The following ASIC2 variants were observed in gnomAD, a reference collection of about 807,000 sequenced individuals.
The protein encoded by ASIC2 is acid-sensing ion channel 2.
A neutral mutation model predicts 57.3 loss-of-function variants in ASIC2; 25 were observed. The observed-to-expected ratio is 0.44, with a 90% CI of 0.32 to 0.61. The LOEUF is 0.61. ASIC2 is among the 20% of genes least tolerant of loss of function. The pLI is 0.06. For missense variants in ASIC2, 641 were observed against 738.1 expected (o/e 0.87, Z 1.52); for synonymous variants, 319 against 307.5 (o/e 1.04, Z -0.39).
At chr17:33,368,869 C>G (rs751102401) in intron 1 of ASIC2, among the ~76,000 whole-genome samples, 30 of 152,156 alleles carry the variant, frequency 2.0e-4, no homozygotes, top group Non-Finnish European at 3.8e-4. Context: ...CACAGGGAGG[C>G]CCTGGAGAGG....
chr17:33,692,279 A>T (rs1386624175), intron 1 of ASIC2: 1 of 152,114 alleles, frequency 6.6e-6, no homozygotes, highest in African/African-American at 2.4e-5. Flanking sequence ...CAGGAACTAC[A>T]ATCACAGTAT....
intron 1 of ASIC2, among the ~76,000 whole-genome samples, chr17:33,589,116 TG>T (rs1282463040): frequency 1.3e-5 from 2 of 152,196 alleles, no homozygotes; most frequent in Non-Finnish European, 1.5e-5. Flanking sequence ...ATTATCAAAT[TG>T]TCACAGTGTG....
intron 1 of ASIC2, among the ~76,000 whole-genome samples, chr17:33,823,602 C>A (rs776876729): frequency 2.0e-5 from 3 of 152,148 alleles, no homozygotes; most frequent in Admixed American, 1.3e-4. Context: ...TTAGTATCGG[C>A]CACACTTCTT....
chr17:33,021,524 C>T (rs2091835517), intron 6 of ASIC2, among the ~76,000 whole-genome samples: 1 of 152,222 alleles, frequency 6.6e-6, no homozygotes, highest in African/African-American at 2.4e-5. Flanking sequence ...CAGTTGCCTC[C>T]TTTTGTTGCT....
intron 1 of ASIC2, among the ~76,000 whole-genome samples, chr17:33,724,589 T>C (rs1338829897): frequency 6.6e-6 from 1 of 152,006 alleles, no homozygotes; most frequent in Non-Finnish European, 1.5e-5. Flanking sequence ...CCAGGACAAT[T>C]GGGAATGAGG....
intron 1 of ASIC2, among the ~76,000 whole-genome samples, chr17:33,687,099 T>C (rs1908219356): frequency 6.6e-6 from 1 of 152,200 alleles, no homozygotes; most frequent in Non-Finnish European, 1.5e-5. Flanking sequence ...TTTTTTCATG[T>C]ACAGCAAGGA....
chr17:33,276,923 C>A (rs35265099), intron 1 of ASIC2, among the ~76,000 whole-genome samples: 1 of 152,080 alleles, frequency 6.6e-6, no homozygotes, highest in Non-Finnish European at 1.5e-5. Context: ...GGGACAGAGG[C>A]CCTTCTTTCT....
At chr17:33,469,467 T>A (rs1192954871) in intron 1 of ASIC2, among the ~76,000 whole-genome samples, 1 of 152,126 alleles carries the variant, frequency 6.6e-6, no homozygotes, top group Non-Finnish European at 1.5e-5. Flanking sequence ...ACCCTCTAGC[T>A]TCCAGTTACT....
At chr17:33,079,713 G>A (rs2092104773) in intron 3 of ASIC2, among the ~76,000 whole-genome samples, 1 of 152,134 alleles carries the variant, frequency 6.6e-6, no homozygotes, top group Non-Finnish European at 1.5e-5. Context: ...GTCTGGGGTG[G>A]GGGATAATAA....
At chr17:33,985,549 C>T (rs1905787749) in intron 1 of ASIC2, among the ~76,000 whole-genome samples, 1 of 152,118 alleles carries the variant, frequency 6.6e-6, no homozygotes, top group East Asian at 1.9e-4. Context: ...GAAAAGATTC[C>T]AGAGGCAAAA....
chr17:33,195,965 A>G (rs1185106477), intron 1 of ASIC2, among the ~76,000 whole-genome samples: 2 of 152,172 alleles, frequency 1.3e-5, no homozygotes, highest in Non-Finnish European at 2.9e-5. Flanking sequence ...CCAACCTAAT[A>G]AAAATGTGGC....
intron 1 of ASIC2, among the ~76,000 whole-genome samples, chr17:33,822,236 G>A (rs575923549): frequency 1.3e-5 from 2 of 152,192 alleles, no homozygotes; most frequent in African/African-American, 4.8e-5. Flanking sequence ...TTATGGGCTA[G>A]GCTGCCTCTC....
intron 1 of ASIC2, among the ~76,000 whole-genome samples, chr17:33,329,668 T>C (rs2142224126): frequency 6.6e-6 from 1 of 152,320 alleles, no homozygotes; most frequent in East Asian, 1.9e-4. Flanking sequence ...TTGGATCAAG[T>C]TCAAGCCTTG....
intron 1 of ASIC2, among the ~76,000 whole-genome samples, chr17:34,015,068 CTTT>C (rs776970617): frequency 7.7e-6 from 1 of 129,638 alleles, no homozygotes; most frequent in Non-Finnish European, 1.6e-5. Context: ...TTTCTTCTGC[CTTT>C]TTTTTTTTTT....
chr17:33,414,301 A>C (rs931160919), intron 1 of ASIC2, among the ~76,000 whole-genome samples: 12 of 152,132 alleles, frequency 7.9e-5, no homozygotes, highest in Admixed American at 2.0e-4. Context: ...AGCAGTGCAG[A>C]GAGACTCCAG....
intron 3 of ASIC2, among the ~76,000 whole-genome samples, chr17:33,064,397 A>G (rs1277526279): frequency 6.6e-6 from 1 of 152,182 alleles, no homozygotes; most frequent in African/African-American, 2.4e-5. Context: ...CCTCAGCTGC[A>G]GGTCTGTTGG....
chr17:33,911,794 T>C (rs1166953041), intron 1 of ASIC2, among the ~76,000 whole-genome samples: 1 of 152,190 alleles, frequency 6.6e-6, no homozygotes, highest in East Asian at 1.9e-4. Context: ...ATGGATTGAA[T>C]ACTACGCCAT....
At chr17:33,376,805 T>TATC (rs141330704) in intron 1 of ASIC2, among the ~76,000 whole-genome samples, 14 of 152,190 alleles carry the variant, frequency 9.2e-5, no homozygotes, top group East Asian at 1.9e-4. Context: ...CTCATTACAT[T>TATC]ATCATCATCA....
intron 1 of ASIC2, among the ~76,000 whole-genome samples, chr17:34,148,635 C>T (rs1904385814): frequency 6.6e-6 from 1 of 152,124 alleles, no homozygotes; most frequent in Non-Finnish European, 1.5e-5. Context: ...GCAAGAAGAA[C>T]CAGAGTTGAC....
Sources: allele counts gnomAD v4.1 joint callset (sites outside exome capture counted in the v4.1 genomes callset), GRCh38; gene constraint gnomAD v4.1.1; transcripts MANE v1.5; gene names NCBI Gene and HGNC (gene_info 2026-07-23, HGNC 2026-07-21).